The following DNAH7 variants were observed in gnomAD, a reference collection of about 807,000 sequenced individuals.
The protein encoded by DNAH7 is axonemal beta dynein heavy chain 7.
DNAH7 carries 397 observed loss-of-function variants against 444.6 expected under a neutral mutation model. The observed-to-expected ratio is 0.89, with a 90% CI of 0.82 to 0.97. The LOEUF (loss-of-function observed/expected upper bound fraction) is 0.97, where lower values mean the gene tolerates loss of function less well. Ranked by LOEUF, DNAH7 falls within the 50% of genes least tolerant of loss-of-function variation. The pLI, the probability that DNAH7 is intolerant of heterozygous loss-of-function variation, is 0.00. For missense variants in DNAH7, 4,902 were observed against 4,800.8 expected (o/e 1.02, Z -0.62); for synonymous variants, 1,636 against 1,624.4 (o/e 1.01, Z -0.17).
Position 196,048,351 on chromosome 2 carries a change from T to C in DNAH7, c.195A>G (p.Val65=). The C allele has an allele frequency of 6.2e-7, 1 of 1,614,062 alleles. No individual in the cohort carries two copies. The highest frequency in any genetic ancestry group is 8.5e-7 in the Non-Finnish European group (1 of 1,179,958). Residue 65 remains valine, a synonymous_variant, in exon 4 of 65, where the codon GTA becomes GTG. Transcript: ENST00000312428. ...GTTCTGGACTCTCATCATCCTGCTT[T>C]ACACTCAAATGGAATGATGGAGCTG... The part of the protein sequence containing the change: ...QQAAPSFHLS[V]KQDDESPEPF...
At chr2:195,919,076 C>G (rs927379716) in intron 24 of DNAH7, among the ~76,000 whole-genome samples, 1 of 151,960 alleles carries the variant, frequency 6.6e-6, no homozygotes, top group South Asian at 2.1e-4. Context: ...TGGTGAAACT[C>G]TGTCTCTACT....
chr2:196,001,439 G>A (rs115845284), intron 11 of DNAH7, among the ~76,000 whole-genome samples: 3,163 of 151,620 alleles, frequency 0.021, 78 homozygotes, highest in African/African-American at 0.055. Context: ...ATCTTGGCTC[G>A]CTGCAGCCTC....
chr2:195,870,508 A>T (rs1700614918), intron 40 of DNAH7, among the ~76,000 whole-genome samples: 1 of 152,198 alleles, frequency 6.6e-6, no homozygotes, highest in African/African-American at 2.4e-5. Context: ...TTCACCCATG[A>T]CAAAATGCTG....
In DNAH7 at chr2:195,767,495, TTCC is replaced by T. The variant is rs570748038; in HGVS notation, c.11433+4162_11433+4164del. ...TACCTTTACTCCTCCTCCTCAAAAT[TTCC>T]TCCTCCTTTTTTTTGTTCAGTTTTA... On this transcript the variant is annotated intron_variant, in intron 61 of 64. Transcript: ENST00000312428. 5.8e-3 allele frequency among the ~76,000 whole-genome samples: 879 copies of T among 152,104 alleles called. 7 individuals are homozygous for T. Among genetic ancestry groups the T allele is most frequent in the African/African-American group, 0.02 (842 of 41,550 alleles).
At chr2:195,787,222 T>C in intron 57 of DNAH7, 51 bp from the exon 58 acceptor site, 2 of 1,527,316 alleles carry the variant, frequency 1.3e-6, no homozygotes, top group Non-Finnish European at 1.8e-6. Context: ...ATATATTGCA[T>C]TATATTTACC....
intron 63 of DNAH7, among the ~76,000 whole-genome samples, chr2:195,747,024 C>CA (rs1221597297): frequency 6.6e-6 from 1 of 151,794 alleles, no homozygotes; most frequent in Non-Finnish European, 1.5e-5. Context: ...AATAGAGACA[C>CA]AAAAAAACCC....
rs1237165700 is a variant in DNAH7, at chr2:196,001,260, G to A, written c.1174-377C>T. ...TTCTTCTTTGCTAAAGTTACCTCAT[G>A]GTAACTTTCTCCAGCCTTCATGACC... On this transcript the variant is annotated intron_variant, in intron 11 of 64. Coordinates refer to ENST00000312428, the MANE Select transcript of DNAH7 (RefSeq NM_018897.3). Among the ~76,000 whole-genome samples, 4 of 152,124 alleles carry A rather than the reference G, an allele frequency of 2.6e-5. No homozygotes were observed. The South Asian group carries it at 8.3e-4, about 31-fold the overall frequency.
chr2:195,794,776 A>G (rs914762339), intron 56 of DNAH7, among the ~76,000 whole-genome samples: 1 of 152,230 alleles, frequency 6.6e-6, no homozygotes, highest in African/African-American at 2.4e-5. Flanking sequence ...ATATGATTAT[A>G]AAGTTTACAA....
At chr2:196,046,342 C>T (rs1360076243) in intron 5 of DNAH7, among the ~76,000 whole-genome samples, 1 of 152,032 alleles carries the variant, frequency 6.6e-6, no homozygotes, top group Non-Finnish European at 1.5e-5. Context: ...AAGATCTGCC[C>T]TACCCTCAAA....
At chr2:196,048,857 T>C (rs1435406289) in intron 3 of DNAH7, among the ~76,000 whole-genome samples, 1 of 152,182 alleles carries the variant, frequency 6.6e-6, no homozygotes, top group Non-Finnish European at 1.5e-5. Flanking sequence ...TTATTATACA[T>C]ACACAATTTT....
At chr2:195,889,031 TA>T in intron 31 of DNAH7, 50 bp from the exon 32 acceptor site, 1 of 1,482,992 alleles carries the variant, frequency 6.7e-7, no homozygotes, top group Non-Finnish European at 9.2e-7. Context: ...GATGATAATA[TA>T]AAGAAACAGT....
intron 24 of DNAH7, 99 bp from the exon 25 acceptor site, chr2:195,910,294 C>T: frequency 1.1e-6 from 1 of 943,046 alleles, no homozygotes. Flanking sequence ...ACCAAACCTC[C>T]AGCTTCCTCT....
chr2:195,966,176 T>C (rs1691463726), intron 17 of DNAH7, among the ~76,000 whole-genome samples: 1 of 152,158 alleles, frequency 6.6e-6, no homozygotes, highest in Admixed American at 6.5e-5. Flanking sequence ...TTTCAAGAAA[T>C]TTTTCCATTT....
At chr2:195,924,616 A>G (rs1312471056) in intron 22 of DNAH7, among the ~76,000 whole-genome samples, 2 of 150,502 alleles carry the variant, frequency 1.3e-5, no homozygotes, top group East Asian at 1.9e-4. Context: ...AGAGAGAGAG[A>G]GAGCAAGAGA....
chr2:195,888,656 T>C, intron 32 of DNAH7, 143 bp downstream of exon 32: 1 of 974,904 alleles, frequency 1.0e-6, no homozygotes, highest in Non-Finnish European at 1.5e-6. Flanking sequence ...TGTCAACAGA[T>C]AACGTCTGTA....
chr2:195,744,299 T>C (rs903855738), intron 63 of DNAH7, among the ~76,000 whole-genome samples: 1 of 152,084 alleles, frequency 6.6e-6, no homozygotes, highest in Non-Finnish European at 1.5e-5. Context: ...AAGGCGGCAG[T>C]GAGGCTGGGG....
chr2:195,967,141 A>T (rs1193558959), intron 17 of DNAH7, among the ~76,000 whole-genome samples: 1 of 151,976 alleles, frequency 6.6e-6, no homozygotes, highest in Non-Finnish European at 1.5e-5. Flanking sequence ...TTTTTATGTT[A>T]GATTACCATG....
intron 40 of DNAH7, among the ~76,000 whole-genome samples, chr2:195,870,324 G>C (rs570874419): frequency 6.6e-5 from 10 of 152,234 alleles, no homozygotes; most frequent in South Asian, 2.1e-4. Flanking sequence ...AAAATCAAGG[G>C]GGGTAGGGAT....
At chr2:195,907,862 T>C (rs184657191) in intron 25 of DNAH7, among the ~76,000 whole-genome samples, 111 of 152,258 alleles carry the variant, frequency 7.3e-4, no homozygotes, top group Admixed American at 2.9e-3. Flanking sequence ...TTCTCATTAG[T>C]TGGAGAAGAC....
Sources: gnomAD v4.1 joint callset for allele counts (sites outside exome capture counted in the v4.1 genomes callset) on GRCh38, gnomAD v4.1.1 for gene constraint, MANE v1.5 for transcripts, NCBI Gene and HGNC (gene_info 2026-07-23, HGNC 2026-07-21) for gene names.